The following ZNG1A variants were observed in gnomAD, a reference collection of about 807,000 sequenced individuals.
ZNG1A encodes the protein zinc-regulated GTPase metalloprotein activator 1A.
the ZNG1A span, chr9:150,121 G>GTTTTTTT: frequency 5.0e-4 from 24 of 48,324 alleles, no homozygotes; most frequent in East Asian, 1.4e-3. Flanking sequence ...CTCCGGTTTT[G>GTTTTTTT]TTTTTTTTTT....
At chr9:158,801 A>C in the ZNG1A span, among the ~76,000 whole-genome samples, 1 of 151,878 alleles carries the variant, frequency 6.6e-6, no homozygotes. Flanking sequence ...AGAAGAGATA[A>C]ATGTCCTCTT....
At chr9:176,284 C>A in the ZNG1A span, among the ~76,000 whole-genome samples, 2 of 140,078 alleles carry the variant, frequency 1.4e-5, no homozygotes, top group Admixed American at 7.3e-5. Context: ...ATGTCAATCT[C>A]CAGTAGAAAA....
chr9:163,978 C>T, the ZNG1A span: 2 of 1,594,666 alleles, frequency 1.3e-6, no homozygotes, highest in Non-Finnish European at 1.7e-6. Context: ...TTTAACTTAC[C>T]ATCAAGATAA....
At chr9:150,121 G>GTTTTTTTTT in the ZNG1A span, 21 of 48,282 alleles carry the variant, frequency 4.3e-4, no homozygotes, top group South Asian at 1.0e-3. Flanking sequence ...CTCCGGTTTT[G>GTTTTTTTTT]TTTTTTTTTT....
chr9:145,310 A>G, the ZNG1A span, among the ~76,000 whole-genome samples: 1 of 150,696 alleles, frequency 6.6e-6, no homozygotes, highest in African/African-American at 2.4e-5. Context: ...AATGTCCAAC[A>G]ATGATAGACT....
At chr9:147,618 C>A in the ZNG1A span, 1 of 144,664 alleles carries the variant, frequency 6.9e-6, no homozygotes. Flanking sequence ...GAAAAATGAT[C>A]AAGCAAAGAA....
chr9:156,594 A>G, the ZNG1A span: 7 of 1,517,972 alleles, frequency 4.6e-6, no homozygotes, highest in Non-Finnish European at 6.3e-6. Context: ...AACACAAAGG[A>G]TTTTACTTTA....
chr9:156,907 ATTAC>A, the ZNG1A span, among the ~76,000 whole-genome samples: 3 of 151,892 alleles, frequency 2.0e-5, no homozygotes, highest in African/African-American at 4.8e-5. Context: ...AATATTCATT[ATTAC>A]TTATTTTTAA....
chr9:177,881 A>G, the ZNG1A span: 161 of 1,485,926 alleles, frequency 1.1e-4, 1 homozygote, highest in Admixed American at 6.2e-4. Context: ...AAAAACGGGA[A>G]TAAACTTACA....
At chr9:129,561 T>A in the ZNG1A span, among the ~76,000 whole-genome samples, 3 of 149,760 alleles carry the variant, frequency 2.0e-5, no homozygotes, top group East Asian at 5.9e-4. Flanking sequence ...AATAAGCCAG[T>A]CACAGAAGGA....
the ZNG1A span, among the ~76,000 whole-genome samples, chr9:141,490 C>T: frequency 2.0e-5 from 3 of 149,554 alleles, no homozygotes; most frequent in East Asian, 6.0e-4. Context: ...CAAGCAAATG[C>T]TGAGAGATTT....
chr9:129,840 TATACA>T, the ZNG1A span, among the ~76,000 whole-genome samples: 1 of 135,920 alleles, frequency 7.4e-6, no homozygotes. Flanking sequence ...CAATAAAAAA[TATACA>T]GTCATGGATA....
chr9:147,596 T>C, the ZNG1A span: 1 of 142,920 alleles, frequency 7.0e-6, no homozygotes, highest in Non-Finnish European at 1.5e-5. Context: ...GCATTTTAGA[T>C]GTACAGAATT....
At chr9:143,239 C>A in the ZNG1A span, among the ~76,000 whole-genome samples, 1 of 147,612 alleles carries the variant, frequency 6.8e-6, no homozygotes. Context: ...GAGACACAAC[C>A]AAAAAAGAGA....
At chr9:169,418 T>C in the ZNG1A span, among the ~76,000 whole-genome samples, 4 of 147,106 alleles carry the variant, frequency 2.7e-5, no homozygotes, top group South Asian at 9.1e-4. Flanking sequence ...AATCTACTCC[T>C]GGTGAAGATG....
At chr9:144,482 T>C in the ZNG1A span, among the ~76,000 whole-genome samples, 1 of 152,054 alleles carries the variant, frequency 6.6e-6, no homozygotes, top group Non-Finnish European at 1.5e-5. Context: ...CTGGGAAAAC[T>C]GGCTAGCCAT....
the ZNG1A span, chr9:172,312 C>T: frequency 1.5e-5 from 16 of 1,033,952 alleles, no homozygotes; most frequent in Non-Finnish European, 1.8e-5. Context: ...TTCTAACCTT[C>T]TAACAAAATG....
chr9:129,641 C>T, the ZNG1A span, among the ~76,000 whole-genome samples: 3 of 147,396 alleles, frequency 2.0e-5, no homozygotes, highest in Non-Finnish European at 4.4e-5. Context: ...GAAAGTAAAA[C>T]GGTGGTTACC....
chr9:175,642 A>T, the ZNG1A span: 3 of 1,554,324 alleles, frequency 1.9e-6, no homozygotes, highest in East Asian at 6.8e-5. Flanking sequence ...AATTCACCAG[A>T]GGAATAAACA....
Sources: gnomAD v4.1 joint callset for allele counts (sites outside exome capture counted in the v4.1 genomes callset) on GRCh38, gnomAD v4.1.1 for gene constraint, MANE v1.5 for transcripts, NCBI Gene and HGNC (gene_info 2026-07-23, HGNC 2026-07-21) for gene names.